SEPTIN11: variants seen among roughly 807,000 people sequenced by gnomAD.
SEPTIN11 encodes the protein septin 11.
A neutral mutation model predicts 51.4 loss-of-function variants in SEPTIN11; 25 were observed. That is an observed-to-expected ratio of 0.49 (90% CI 0.35 to 0.68). The LOEUF (loss-of-function observed/expected upper bound fraction) is 0.68, where lower values mean the gene tolerates loss of function less well. Among genes scored for constraint, SEPTIN11 ranks in the 30% least tolerant of loss-of-function variants. The probability of loss-of-function intolerance (pLI) is 0.00; values close to 1 mark genes in which losing one functional copy is unlikely to be tolerated. For missense variants in SEPTIN11, 381 were observed against 520.8 expected (o/e 0.73, Z 2.61); for synonymous variants, 174 against 184.1 (o/e 0.95, Z 0.44).
chr4:77,035,948 C>A lies in SEPTIN11; in HGVS notation c.*1436C>A. ...GATAACATTTCTCATGAACCCACTG[C>A]CCCTCTGCATTTTCCTCACTGGTTA... is the stretch of plus-strand genomic sequence containing the variant. On this transcript the variant is annotated 3_prime_UTR_variant, in exon 10 of 10. Coordinates refer to ENST00000264893, the MANE Select transcript of SEPTIN11 (RefSeq NM_018243.4). The A allele has an allele frequency of 1.0e-6, 1 of 985,872 alleles. No individual in the cohort carries two copies. The highest frequency in any genetic ancestry group is 1.2e-6 in the Non-Finnish European group (1 of 829,942). 61.1% of individuals were successfully genotyped at this position (985,872 alleles called of 1,614,324 possible).
intron 1 of SEPTIN11, among the ~76,000 whole-genome samples, chr4:76,982,163 A>G (rs1411442011): frequency 1.4e-5 from 2 of 147,550 alleles, no homozygotes; most frequent in African/African-American, 5.0e-5. Flanking sequence ...GATAGATTCT[A>G]CCTCTTTCTT....
rs546302756 is a variant in SEPTIN11 at position 76,978,874 on chromosome 4, G to A, written c.28-17551G>A. ...GGAAGGGTTCATACTGAAGCATGTG[G>A]CTGGAGTATTGACATCCCTTTTCTC... On this transcript the variant is annotated intron_variant, in intron 1 of 9. Transcript: ENST00000264893. Among the ~76,000 whole-genome samples, 7 of 152,234 alleles carry A rather than the reference G, an allele frequency of 4.6e-5. No individual in the cohort carries two copies. The South Asian group carries it at 1.5e-3, about 32-fold the overall frequency.
intron 9 of SEPTIN11, 101 bp downstream of exon 9, chr4:77,031,071 C>A: frequency 8.9e-7 from 1 of 1,119,672 alleles, no homozygotes; most frequent in Non-Finnish European, 1.3e-6. Context: ...GGTCCTTTAC[C>A]AGAAAGATAA....
At chr4:76,960,487 A>G (rs1338919582) in intron 1 of SEPTIN11, among the ~76,000 whole-genome samples, 1 of 152,172 alleles carries the variant, frequency 6.6e-6, no homozygotes. Flanking sequence ...ACTAATAATT[A>G]ATTTGCTGCC....
At chr4:77,007,479 A>G (rs1477936454) in intron 3 of SEPTIN11, among the ~76,000 whole-genome samples, 1 of 152,022 alleles carries the variant, frequency 6.6e-6, no homozygotes, top group Non-Finnish European at 1.5e-5. Context: ...GCTGCCACTC[A>G]ATTTTTGCCT....
At chr4:77,007,843 C>G (rs566877393) in intron 3 of SEPTIN11, among the ~76,000 whole-genome samples, 4 of 152,336 alleles carry the variant, frequency 2.6e-5, no homozygotes, top group African/African-American at 9.6e-5. Flanking sequence ...AAATTGTTAT[C>G]TGGACAGGCT....
At chr4:77,009,618 G>C (rs1225643692) in intron 3 of SEPTIN11, among the ~76,000 whole-genome samples, 1 of 152,198 alleles carries the variant, frequency 6.6e-6, no homozygotes, top group Admixed American at 6.5e-5. Flanking sequence ...ACTGCAAAAT[G>C]AGTGTTGTTA....
intron 3 of SEPTIN11, among the ~76,000 whole-genome samples, 193 bp downstream of exon 3, chr4:77,005,989 A>G (rs1724456857): frequency 6.6e-6 from 1 of 152,228 alleles, no homozygotes; most frequent in Non-Finnish European, 1.5e-5. Context: ...AGAATCAGAC[A>G]TCAAAATTGA....
intron 1 of SEPTIN11, among the ~76,000 whole-genome samples, chr4:76,957,893 A>C (rs1721633885): frequency 6.6e-6 from 1 of 152,176 alleles, no homozygotes; most frequent in Admixed American, 6.5e-5. Flanking sequence ...CCTTTCCTTA[A>C]GTTACCTTTT....
At chr4:76,987,898 G>T in intron 1 of SEPTIN11, 1 of 849,256 alleles carries the variant, frequency 1.2e-6, no homozygotes. Context: ...TTTCCAAGTG[G>T]GTATTCTGTA....
intron 1 of SEPTIN11, among the ~76,000 whole-genome samples, chr4:76,986,475 G>T (rs1723034430): frequency 6.6e-6 from 1 of 152,180 alleles, no homozygotes; most frequent in Non-Finnish European, 1.5e-5. Context: ...TGTGTAAAAT[G>T]AGCTGACAAA....
intron 2 of SEPTIN11, among the ~76,000 whole-genome samples, chr4:76,998,431 C>A (rs984962445): frequency 7.9e-5 from 12 of 152,108 alleles, no homozygotes; most frequent in African/African-American, 2.9e-4. Flanking sequence ...CTTCCTGGAA[C>A]CTTTAGGGAG....
At chr4:76,958,860 A>G in intron 1 of SEPTIN11, 1 of 1,485,602 alleles carries the variant, frequency 6.7e-7, no homozygotes, top group Non-Finnish European at 9.4e-7. Flanking sequence ...ACATGATTAG[A>G]CTAATTCATT....
At chr4:77,034,354 T>G in intron 9 of SEPTIN11, 143 bp from the exon 10 acceptor site, 1 of 666,570 alleles carries the variant, frequency 1.5e-6, no homozygotes, top group Non-Finnish European at 2.3e-6. Context: ...CCTTCTCAAA[T>G]TTTTGGTTTT....
intron 1 of SEPTIN11, among the ~76,000 whole-genome samples, chr4:76,953,887 C>G (rs970103237): frequency 6.6e-6 from 1 of 152,112 alleles, no homozygotes; most frequent in Non-Finnish European, 1.5e-5. Flanking sequence ...TGCCCATAAC[C>G]CACTATCCTG....
Position 77,034,710 on chromosome 4 carries a change from T to C in SEPTIN11, c.*198T>C, listed in dbSNP as rs1560754815. Reference sequence around the variant, plus strand: ...GATAGAACAAGGGAATAACCGCGAATGCTCTGTGCAGCTGGACTCTGTTTC... The same window carrying C: ...GATAGAACAAGGGAATAACCGCGAACGCTCTGTGCAGCTGGACTCTGTTTC... On this transcript the variant is annotated 3_prime_UTR_variant, in exon 10 of 10. Transcript: ENST00000264893. The C allele has an allele frequency of 2.3e-6, 3 of 1,301,940 alleles. No individual in the cohort carries two copies. The highest frequency in any genetic ancestry group is 2.9e-6 in the Non-Finnish European group (3 of 1,022,920). The allele number at this position is 1,301,940 out of a possible 1,614,324, so 80.6% of individuals were successfully genotyped here. A position where few individuals can be genotyped will look rare whatever the true frequency, so the allele number is the denominator to read the frequency against.
chr4:76,959,955 G>T (rs913156274), intron 1 of SEPTIN11, among the ~76,000 whole-genome samples: 1 of 152,094 alleles, frequency 6.6e-6, no homozygotes, highest in Non-Finnish European at 1.5e-5. Context: ...GGTAAATGGG[G>T]TGTCCATCAC....
intron 4 of SEPTIN11, among the ~76,000 whole-genome samples, chr4:77,014,384 G>A (rs187922023): frequency 0.011 from 1,655 of 152,216 alleles, 14 homozygotes; most frequent in Non-Finnish European, 0.015. Context: ...TAGGAGGTGC[G>A]AACTCAAGAG....
Position 77,036,754 on chromosome 4 carries a change from T to A in SEPTIN11, c.*2242T>A. 6.5e-7 allele frequency: 1 copy of A among 1,533,740 alleles called. No individual in the cohort carries two copies. Among genetic ancestry groups the A allele is most frequent in the Non-Finnish European group, 8.7e-7 (1 of 1,146,772 alleles). ...CTTTTCTTTTTTCTTTCTGTATCTA[T>A]GCCTTTTTTTCACAGTAGTCCTTGG... is the stretch of plus-strand genomic sequence containing the variant. On this transcript the variant is annotated 3_prime_UTR_variant, in exon 10 of 10. Transcript: ENST00000264893.
Sources: allele counts gnomAD v4.1 joint callset (sites outside exome capture counted in the v4.1 genomes callset), GRCh38; gene constraint gnomAD v4.1.1; transcripts MANE v1.5; gene names NCBI Gene and HGNC (gene_info 2026-07-23, HGNC 2026-07-21).